FCHSD2: variants seen among roughly 807,000 people sequenced by gnomAD.
The protein encoded by FCHSD2 is F-BAR and double SH3 domains protein 2.
A neutral mutation model predicts 108.1 loss-of-function variants in FCHSD2; 38 were observed. That is an observed-to-expected ratio of 0.35 (90% CI 0.27 to 0.46). FCHSD2 has a LOEUF of 0.46. Among genes scored for constraint, FCHSD2 ranks in the 20% least tolerant of loss-of-function variants. FCHSD2 has a pLI of 1.00. For synonymous variants in FCHSD2, 279 were observed against 314.7 expected (o/e 0.89, Z 1.20); for missense variants, 751 against 897.8 (o/e 0.84, Z 2.09).
At chr11:73,130,220 G>A (rs923582517) in intron 2 of FCHSD2, among the ~76,000 whole-genome samples, 3 of 151,774 alleles carry the variant, frequency 2.0e-5, no homozygotes, top group Non-Finnish European at 4.4e-5. Flanking sequence ...AAAAGACCAG[G>A]GGAAGGTAAA....
At chr11:73,038,000 T>C (rs1208145770) in intron 3 of FCHSD2, among the ~76,000 whole-genome samples, 1 of 152,192 alleles carries the variant, frequency 6.6e-6, no homozygotes, top group East Asian at 1.9e-4. Context: ...GATGAAAAGA[T>C]TCACCAAGTC....
intron 2 of FCHSD2, 28 bp downstream of exon 2, chr11:73,140,003 G>T: frequency 8.0e-7 from 1 of 1,251,236 alleles, no homozygotes; most frequent in Non-Finnish European, 1.1e-6. Flanking sequence ...ACAAACAGAA[G>T]TCCTTGAACT....
At chr11:73,032,753 G>A (rs1362921739) in intron 3 of FCHSD2, among the ~76,000 whole-genome samples, 1 of 152,112 alleles carries the variant, frequency 6.6e-6, no homozygotes, top group East Asian at 1.9e-4. Context: ...GTAACGAGAG[G>A]TGGGGTGCAA....
intron 2 of FCHSD2, among the ~76,000 whole-genome samples, chr11:73,085,041 C>A (rs991485535): frequency 1.3e-5 from 2 of 150,820 alleles, no homozygotes; most frequent in Non-Finnish European, 2.9e-5. Flanking sequence ...CATTTAAATT[C>A]ACCAAATGAC....
chr11:72,941,187 T>C (rs940139471), intron 8 of FCHSD2: 16 of 331,124 alleles, frequency 4.8e-5, no homozygotes, highest in Non-Finnish European at 7.3e-5. Flanking sequence ...GCTATTTTAA[T>C]ATTTTTATTC....
intron 9 of FCHSD2, among the ~76,000 whole-genome samples, chr11:72,917,664 T>C (rs1591397008): frequency 6.6e-6 from 1 of 152,322 alleles, no homozygotes; most frequent in South Asian, 2.1e-4. Flanking sequence ...GGCAGGCGGA[T>C]CACTTGACGT....
intron 12 of FCHSD2, among the ~76,000 whole-genome samples, chr11:72,875,245 C>G (rs1341465519): frequency 6.6e-6 from 1 of 151,852 alleles, no homozygotes; most frequent in Admixed American, 6.6e-5. Context: ...TCTTTGGTAC[C>G]TTAAAAAAAA....
intron 13 of FCHSD2, among the ~76,000 whole-genome samples, chr11:72,862,786 G>T (rs1196020072): frequency 6.6e-6 from 1 of 152,130 alleles, no homozygotes; most frequent in Admixed American, 6.5e-5. Flanking sequence ...TGATAAAGAA[G>T]AAAGTTGGAG....
At chr11:72,946,718 C>G (rs1477908797) in intron 8 of FCHSD2, among the ~76,000 whole-genome samples, 1 of 152,090 alleles carries the variant, frequency 6.6e-6, no homozygotes, top group Non-Finnish European at 1.5e-5. Flanking sequence ...TACAGAATAT[C>G]TATTATATTC....
intron 3 of FCHSD2, among the ~76,000 whole-genome samples, chr11:73,051,866 TAAACACACACAC>T (rs1360403055): frequency 2.9e-5 from 3 of 102,846 alleles, no homozygotes; most frequent in South Asian, 3.6e-4. Context: ...ACACGGTATA[TAAACACACACAC>T]ACACACACAC....
At chr11:72,970,759 G>T (rs1856992617) in intron 8 of FCHSD2, among the ~76,000 whole-genome samples, 1 of 152,152 alleles carries the variant, frequency 6.6e-6, no homozygotes. Flanking sequence ...ATGAAGAAAG[G>T]CCGCTGAACC....
At chr11:73,115,339 T>C (rs762895531) in intron 2 of FCHSD2, among the ~76,000 whole-genome samples, 3 of 152,182 alleles carry the variant, frequency 2.0e-5, no homozygotes, top group Non-Finnish European at 2.9e-5. Flanking sequence ...CTTTCCTACC[T>C]TCTTCAGTGC....
chr11:73,056,339 T>G (rs1043142824), intron 3 of FCHSD2, among the ~76,000 whole-genome samples: 1 of 152,186 alleles, frequency 6.6e-6, no homozygotes, highest in Non-Finnish European at 1.5e-5. Flanking sequence ...AAATTGCTAA[T>G]TGATGTACAG....
At chr11:73,047,526 G>C (rs542153249) in intron 3 of FCHSD2, among the ~76,000 whole-genome samples, 9 of 152,240 alleles carry the variant, frequency 5.9e-5, no homozygotes, top group African/African-American at 2.2e-4. Flanking sequence ...ACTGGTCATT[G>C]ACAGTACCTA....
intron 13 of FCHSD2, among the ~76,000 whole-genome samples, chr11:72,866,431 G>A (rs1854726246): frequency 6.6e-6 from 1 of 151,978 alleles, no homozygotes; most frequent in Non-Finnish European, 1.5e-5. Flanking sequence ...CACCATGCCT[G>A]GCTAATTTTT....
chr11:73,100,232 C>T (rs1480687390), intron 2 of FCHSD2, among the ~76,000 whole-genome samples: 1 of 152,190 alleles, frequency 6.6e-6, no homozygotes. Context: ...CATTCCTCTT[C>T]GCGTCCCTTC....
At chr11:72,989,601 C>G (rs116417616) in intron 5 of FCHSD2, among the ~76,000 whole-genome samples, 129 of 152,272 alleles carry the variant, frequency 8.5e-4, no homozygotes, top group African/African-American at 3.0e-3. Flanking sequence ...AAGCACGAAA[C>G]CTGGGTACCA....
chr11:73,017,785 C>G lies in FCHSD2; in HGVS notation c.166-1900G>C, dbSNP rs564249103. On this transcript the variant is annotated intron_variant, in intron 3 of 19. Transcript: ENST00000409418. ...ATTCCTACTTGCTAAATTCTCACCC[C>G]TCCCTTTTAATCTGATACTTAAATT... Among the ~76,000 whole-genome samples, 5 of 152,284 alleles carry G rather than the reference C, an allele frequency of 3.3e-5. No individual in the cohort carries two copies. In the South Asian group the frequency reaches 1.0e-3, roughly 32 times the overall value.
At chr11:73,042,541 G>A (rs1591507178) in intron 3 of FCHSD2, among the ~76,000 whole-genome samples, 1 of 152,102 alleles carries the variant, frequency 6.6e-6, no homozygotes, top group East Asian at 1.9e-4. Context: ...GGCTATTGAG[G>A]TCTTCTGCGG....
Sources: gnomAD v4.1 joint callset for allele counts (sites outside exome capture counted in the v4.1 genomes callset) on GRCh38, gnomAD v4.1.1 for gene constraint, MANE v1.5 for transcripts, NCBI Gene and HGNC (gene_info 2026-07-23, HGNC 2026-07-21) for gene names.